The following TIAM1 variants were observed in gnomAD, a reference collection of about 807,000 sequenced individuals.
The protein encoded by TIAM1 is TIAM Rac1 associated GEF 1.
A neutral mutation model predicts 163.5 loss-of-function variants in TIAM1; 65 were observed. The ratio of observed to expected loss-of-function variants is 0.40; its 90% confidence interval spans 0.33 to 0.49. The LOEUF is 0.49. Ranked by LOEUF, TIAM1 falls within the 20% of genes least tolerant of loss-of-function variation. The pLI, the probability that TIAM1 is intolerant of heterozygous loss-of-function variation, is 0.77. For missense variants in TIAM1, 1,789 were observed against 2,044.7 expected, an observed-to-expected ratio of 0.87 and a Z score of 2.41; for synonymous variants, 833 against 810.1, an observed-to-expected ratio of 1.03 and a Z score of -0.48.
intron 12 of TIAM1, among the ~76,000 whole-genome samples, chr21:31,197,379 CTTT>C (rs1258537968): frequency 3.6e-4 from 51 of 142,592 alleles, no homozygotes; most frequent in African/African-American, 1.2e-3. Context: ...TTTCTTTTTT[CTTT>C]TTTTTTTTTT....
intron 2 of TIAM1, among the ~76,000 whole-genome samples, chr21:31,447,378 G>C (rs1164283156): frequency 6.6e-6 from 1 of 152,126 alleles, no homozygotes; most frequent in Non-Finnish European, 1.5e-5. Context: ...CAAGCCTGCA[G>C]TGAGCTGTGT....
chr21:31,371,193 C>A (rs2076591123), intron 2 of TIAM1, among the ~76,000 whole-genome samples: 1 of 152,204 alleles, frequency 6.6e-6, no homozygotes, highest in Admixed American at 6.5e-5. Flanking sequence ...AGTCAACAGA[C>A]TGGAAAAGAA....
Position 31,223,330 on chromosome 21 carries a change from G to C in TIAM1, c.1995+76C>G, listed in dbSNP as rs1037388684. On this transcript the variant is annotated intron_variant, in intron 8 of 27. Transcript: ENST00000541036. ...AGCAGGAAGCTCGAAAAACACTTAG[G>C]AGACTCTTGTCAAGTCCTGCTCAGG... is the stretch of plus-strand genomic sequence containing the variant. 1.7e-5 allele frequency: 25 copies of C among 1,462,604 alleles called. No individual in the cohort carries two copies. In the African/African-American group the frequency reaches 3.4e-4, roughly 20 times the overall value. 90.6% of individuals were successfully genotyped at this position (1,462,604 alleles called of 1,614,324 possible).
In TIAM1 at chr21:31,305,289, T is replaced by C. The variant is rs144845656; in HGVS notation, c.-188-28381A>G. On this transcript the variant is annotated intron_variant, in intron 2 of 27. Coordinates refer to ENST00000541036, the MANE Select transcript of TIAM1 (RefSeq NM_001353694.2). ...ATGTGGTAAATGAGAATAAACCATATAGAAAATTAGATGATACCGAATAAG... is the reference window on the plus strand; with the variant it reads ...ATGTGGTAAATGAGAATAAACCATACAGAAAATTAGATGATACCGAATAAG... Among the ~76,000 whole-genome samples the C allele has an allele frequency of 5.9e-5, 9 of 152,086 alleles. No individual in the cohort carries two copies. The East Asian group carries it at 1.2e-3, about 20-fold the overall frequency.
chr21:31,307,263 T>C (rs2074748196), intron 2 of TIAM1, among the ~76,000 whole-genome samples: 1 of 152,220 alleles, frequency 6.6e-6, no homozygotes, highest in Admixed American at 6.5e-5. Context: ...AATGTGCTCT[T>C]CTTGTCCTCA....
chr21:31,537,435 G>C (rs1019785902), intron 1 of TIAM1, among the ~76,000 whole-genome samples: 1 of 110,380 alleles, frequency 9.1e-6, no homozygotes, highest in African/African-American at 3.6e-5. Flanking sequence ...AATACTGCAA[G>C]AAATCGCAAA....
At chr21:31,126,342 G>T (rs1342730960) in intron 26 of TIAM1, among the ~76,000 whole-genome samples, 2 of 152,134 alleles carry the variant, frequency 1.3e-5, no homozygotes, top group Non-Finnish European at 2.9e-5. Flanking sequence ...GCCGAGGCAG[G>T]CAGACCACGA....
rs371971155 is a variant in TIAM1, at chr21:31,225,712, G to A, written c.1809+14C>T. The A allele has an allele frequency of 8.7e-6, 14 of 1,601,462 alleles. No homozygotes were observed. The highest frequency in any genetic ancestry group is 1.3e-5 in the African/African-American group (1 of 74,308). On this transcript the variant is annotated intron_variant, in intron 7 of 27. Coordinates refer to ENST00000541036, the MANE Select transcript of TIAM1 (RefSeq NM_001353694.2). ...AACAATTTTGTCCGGACCTAAACAC[G>A]GAAGAACGATTACCTGATCTAATAT...
intron 2 of TIAM1, among the ~76,000 whole-genome samples, chr21:31,460,247 C>G (rs2045273339): frequency 6.6e-6 from 1 of 152,158 alleles, no homozygotes; most frequent in Non-Finnish European, 1.5e-5. Context: ...ATCCCCTGTC[C>G]CTGCCTTTCT....
At chr21:31,331,361 C>T (rs1329179230) in intron 2 of TIAM1, among the ~76,000 whole-genome samples, 1 of 152,138 alleles carries the variant, frequency 6.6e-6, no homozygotes, top group Non-Finnish European at 1.5e-5. Context: ...GGGAGCTCAC[C>T]ACATCAAACA....
At chr21:31,301,237 A>T (rs2074486282) in intron 2 of TIAM1, among the ~76,000 whole-genome samples, 1 of 152,260 alleles carries the variant, frequency 6.6e-6, no homozygotes, top group South Asian at 2.1e-4. Flanking sequence ...CAACAAGGCC[A>T]GGAAGCCAGT....
intron 2 of TIAM1, among the ~76,000 whole-genome samples, chr21:31,429,657 A>C (rs2043926985): frequency 6.6e-6 from 1 of 152,058 alleles, no homozygotes; most frequent in Admixed American, 6.6e-5. Flanking sequence ...AAGCAGAGTT[A>C]GGCGTGGGCG....
At chr21:31,191,059 T>C (rs904930643) in intron 13 of TIAM1, among the ~76,000 whole-genome samples, 3 of 152,202 alleles carry the variant, frequency 2.0e-5, no homozygotes, top group African/African-American at 7.2e-5. Context: ...ATGTTTCACC[T>C]CTTCAATCAA....
At chr21:31,185,131 C>T (rs986948541) in intron 14 of TIAM1, among the ~76,000 whole-genome samples, 4 of 150,882 alleles carry the variant, frequency 2.7e-5, no homozygotes, top group African/African-American at 7.3e-5. Flanking sequence ...TGATCTCTGA[C>T]GTTCAATACA....
intron 2 of TIAM1, among the ~76,000 whole-genome samples, chr21:31,332,491 T>C (rs1420010541): frequency 1.3e-5 from 2 of 152,148 alleles, no homozygotes; most frequent in African/African-American, 2.4e-5. Flanking sequence ...AGTGCTCACC[T>C]TCTCATATTT....
At chr21:31,278,502 G>A (rs1249674404) in intron 2 of TIAM1, among the ~76,000 whole-genome samples, 1 of 152,222 alleles carries the variant, frequency 6.6e-6, no homozygotes, top group Non-Finnish European at 1.5e-5. Flanking sequence ...TTCCCCTGGG[G>A]CTGCCCGCTG....
chr21:31,290,114 T>C (rs2073963351), intron 2 of TIAM1, among the ~76,000 whole-genome samples: 1 of 152,214 alleles, frequency 6.6e-6, no homozygotes. Flanking sequence ...ATTATGCACA[T>C]TTCAATTTTC....
intron 2 of TIAM1, among the ~76,000 whole-genome samples, chr21:31,387,195 CTTTTTTTTTTTTT>C (rs60592178): frequency 9.3e-5 from 7 of 75,162 alleles, no homozygotes; most frequent in East Asian, 3.2e-4. Flanking sequence ...AGCTTATTCT[CTTTTTTTTTTTTT>C]TTTTTTTTTT....
intron 2 of TIAM1, among the ~76,000 whole-genome samples, chr21:31,287,208 T>C (rs2073843082): frequency 6.6e-6 from 1 of 152,222 alleles, no homozygotes; most frequent in South Asian, 2.1e-4. Flanking sequence ...CAGCATCTTA[T>C]GAAAAAGAGT....
Sources: allele counts gnomAD v4.1 joint callset (sites outside exome capture counted in the v4.1 genomes callset), GRCh38; gene constraint gnomAD v4.1.1; transcripts MANE v1.5; gene names NCBI Gene and HGNC (gene_info 2026-07-23, HGNC 2026-07-21).